LAMA4: variants seen among roughly 807,000 people sequenced by gnomAD.
LAMA4 encodes the protein laminin subunit alpha 4.
In LAMA4, 127 loss-of-function variants were observed where a neutral mutation model predicts 207.1. That is an observed-to-expected ratio of 0.61 (90% CI 0.53 to 0.71). The LOEUF (loss-of-function observed/expected upper bound fraction) is 0.71, where lower values mean the gene tolerates loss of function less well. LAMA4 is among the 30% of genes least tolerant of loss of function. The probability of loss-of-function intolerance (pLI) is 0.00; values close to 1 mark genes in which losing one functional copy is unlikely to be tolerated. For missense variants in LAMA4, 2,093 were observed against 2,246.5 expected (o/e 0.93, Z 1.38); for synonymous variants, 761 against 816.0 (o/e 0.93, Z 1.15).
intron 14 of LAMA4, among the ~76,000 whole-genome samples, chr6:112,156,094 G>C (rs1780696058): frequency 6.6e-6 from 1 of 152,168 alleles, no homozygotes; most frequent in Non-Finnish European, 1.5e-5. Context: ...AGGAAGCCAA[G>C]GCTCTAGGAG....
chr6:112,198,714 G>A (rs1783561403), intron 5 of LAMA4, among the ~76,000 whole-genome samples: 1 of 152,160 alleles, frequency 6.6e-6, no homozygotes, highest in African/African-American at 2.4e-5. Flanking sequence ...TTCTAGCTAA[G>A]GAAACCGAGA....
chr6:112,231,438 T>C (rs1365111842), intron 2 of LAMA4, among the ~76,000 whole-genome samples: 1 of 152,236 alleles, frequency 6.6e-6, no homozygotes, highest in Non-Finnish European at 1.5e-5. Context: ...GCAATTATTC[T>C]CAATTTAAAT....
At chr6:112,114,975 T>C (rs944570261) in intron 36 of LAMA4, among the ~76,000 whole-genome samples, 5 of 152,012 alleles carry the variant, frequency 3.3e-5, no homozygotes, top group African/African-American at 1.2e-4. Flanking sequence ...GGGGAGAAAA[T>C]TGCGAGAGAG....
chr6:112,184,692 T>C (rs2114928170), intron 9 of LAMA4, among the ~76,000 whole-genome samples: 1 of 152,300 alleles, frequency 6.6e-6, no homozygotes, highest in South Asian at 2.1e-4. Flanking sequence ...GTTTGTTCTA[T>C]TTTCTTGTGG....
At chr6:112,235,171 A>G (rs1395035309) in intron 2 of LAMA4, among the ~76,000 whole-genome samples, 3 of 152,156 alleles carry the variant, frequency 2.0e-5, no homozygotes, top group Non-Finnish European at 4.4e-5. Flanking sequence ...GGCTGCCCCA[A>G]ACCCCTGAAA....
Position 112,225,567 on chromosome 6 carries a change from G to A in LAMA4, c.196-9098C>T, listed in dbSNP as rs183012622. Among the ~76,000 whole-genome samples the A allele has an allele frequency of 3.3e-5, 5 of 152,246 alleles. No homozygotes were observed. In the East Asian group the frequency reaches 7.7e-4, roughly 24 times the overall value. On this transcript the variant is annotated intron_variant, in intron 2 of 38. Coordinates refer to ENST00000230538, the MANE Select transcript of LAMA4 (RefSeq NM_001105206.3). Reference sequence around the variant, plus strand: ...TTTATTTCGAATCTGAGGTTTAAATGCAGATATATGAAGTACCACAGAGAT... The same window carrying A: ...TTTATTTCGAATCTGAGGTTTAAATACAGATATATGAAGTACCACAGAGAT...
chr6:112,227,094 C>T (rs563880584), intron 2 of LAMA4, among the ~76,000 whole-genome samples: 13 of 137,434 alleles, frequency 9.5e-5, no homozygotes, highest in East Asian at 2.1e-4. Context: ...TATATTGAGA[C>T]GGAGTCTCGC....
chr6:112,121,498 A>G (rs1384964970), intron 32 of LAMA4, among the ~76,000 whole-genome samples: 1 of 152,254 alleles, frequency 6.6e-6, no homozygotes, highest in Non-Finnish European at 1.5e-5. Flanking sequence ...TTGGGTGCTA[A>G]AACTGTAAAA....
chr6:112,139,580 G>C (rs782781588), intron 23 of LAMA4, among the ~76,000 whole-genome samples, 172 bp downstream of exon 23: 8 of 152,238 alleles, frequency 5.3e-5, no homozygotes, highest in Admixed American at 1.3e-4. Flanking sequence ...ACTTGGGCAT[G>C]CTCATCTATG....
intron 10 of LAMA4, among the ~76,000 whole-genome samples, chr6:112,177,218 T>A (rs972000975): frequency 5.3e-5 from 8 of 152,224 alleles, no homozygotes; most frequent in African/African-American, 1.9e-4. Flanking sequence ...TTATTGTTTA[T>A]AATAGACATC....
At chr6:112,123,585 T>A (rs936953590) in intron 31 of LAMA4, among the ~76,000 whole-genome samples, 1 of 152,184 alleles carries the variant, frequency 6.6e-6, no homozygotes, top group Non-Finnish European at 1.5e-5. Context: ...GTGTTTTAGC[T>A]AAATCTCAGA....
chr6:112,216,264 C>T, intron 3 of LAMA4, 104 bp downstream of exon 3: 1 of 775,722 alleles, frequency 1.3e-6, no homozygotes, highest in Non-Finnish European at 2.3e-6. Flanking sequence ...ACTTGATTAG[C>T]AGTTTGCTCC....
chr6:112,151,399 T>A (rs187025517), intron 16 of LAMA4, among the ~76,000 whole-genome samples: 1 of 152,312 alleles, frequency 6.6e-6, no homozygotes, highest in Admixed American at 6.5e-5. Context: ...CTCATTTCCA[T>A]ATAAATTCTA....
At chr6:112,111,631 A>G (rs1023923909) in intron 38 of LAMA4, among the ~76,000 whole-genome samples, 6 of 152,212 alleles carry the variant, frequency 3.9e-5, no homozygotes, top group African/African-American at 1.2e-4. Context: ...ATCTTAAAGT[A>G]TAGTTGCTTT....
rs1779117565 is a variant in LAMA4 at position 112,132,819 on chromosome 6, G to A, written c.3768C>T (p.Gly1256=). The change falls in exon 28 of 39, where the codon GGC becomes GGT. Residue 1256 remains glycine (G), a synonymous_variant. Transcript: ENST00000230538. The part of the protein sequence containing the change: ...ASIQKISFFD[G]FEGGFNFRTL... ...TTCGGAAATTAAAACCTCCTTCAAA[G>A]CCATCAAAGAAAGATATTTTCTGAA... 2 of 1,612,092 alleles carry A rather than the reference G, an allele frequency of 1.2e-6. No homozygotes were observed. Among genetic ancestry groups the A allele is most frequent in the Non-Finnish European group, 1.7e-6 (2 of 1,178,362 alleles).
At position 112,109,230 on chromosome 6, in the gene LAMA4, T is replaced by C; in HGVS notation, c.*207A>G. The stretch of plus-strand genomic sequence containing the variant: ...ACAAGTAAGTTTGCCACTCCTTCAA[T>C]TGTTGTCCATTGCAGACACTTTGGA... On this transcript the variant is annotated 3_prime_UTR_variant, in exon 39 of 39. Coordinates refer to ENST00000230538, the MANE Select transcript of LAMA4 (RefSeq NM_001105206.3). The C allele has an allele frequency of 1.6e-6, 1 of 607,396 alleles. No homozygotes were observed. The highest frequency in any genetic ancestry group is 2.9e-6 in the Non-Finnish European group (1 of 345,316). 37.6% of individuals were successfully genotyped at this position (607,396 alleles called of 1,614,324 possible).
rs1562653567 is a variant in LAMA4, at chr6:112,141,415, A to C, written c.2756T>G (p.Leu919Arg). Residue 919 changes from leucine (L) to arginine (R), a missense_variant, in exon 21 of 39, where the codon CTG becomes CGG. This residue lies in a region of LAMA4 where 1,704 missense variants were observed against 1,788.4 expected (regional missense o/e 0.95). Coordinates refer to ENST00000230538, the MANE Select transcript of LAMA4 (RefSeq NM_001105206.3). Reference protein sequence around the residue: ...NLGTKDVEIPLDSKPVSSWPA... With the variant: ...NLGTKDVEIPRDSKPVSSWPA... Reference sequence around the variant, plus strand: ...CCAGGAACTGACGGGCTTGGAGTCCAGGGGAATCTCCACATCTTTAGTTCC... The same window carrying C: ...CCAGGAACTGACGGGCTTGGAGTCCCGGGGAATCTCCACATCTTTAGTTCC... The C allele has an allele frequency of 6.2e-7, 1 of 1,614,010 alleles. No individual in the cohort carries two copies. Among genetic ancestry groups the C allele is most frequent in the African/African-American group, 1.3e-5 (1 of 75,046 alleles).
chr6:112,133,211 T>G, intron 27 of LAMA4, 138 bp downstream of exon 27: 1 of 945,306 alleles, frequency 1.1e-6, no homozygotes. Context: ...TCTAGCTTAA[T>G]GGTTCTTCTT....
intron 2 of LAMA4, among the ~76,000 whole-genome samples, chr6:112,225,704 A>G (rs1439122306): frequency 6.6e-6 from 1 of 152,204 alleles, no homozygotes; most frequent in Non-Finnish European, 1.5e-5. Context: ...GAGTTCTCCA[A>G]ATGTAGTAAA....
Sources: gnomAD v4.1 joint callset for allele counts (sites outside exome capture counted in the v4.1 genomes callset) on GRCh38, gnomAD v4.1.1 for gene constraint, gnomAD v4.1.1 regional missense constraint, MANE v1.5 for transcripts, NCBI Gene and HGNC (gene_info 2026-07-23, HGNC 2026-07-21) for gene names.